CARNMT1: variants seen among roughly 807,000 people sequenced by gnomAD.
The protein encoded by CARNMT1 is carnosine N-methyltransferase 1.
CARNMT1 carries 28 observed loss-of-function variants against 49.6 expected under a neutral mutation model. That is an observed-to-expected ratio of 0.56 (90% CI 0.42 to 0.77). The LOEUF is 0.77. Ranked by LOEUF, CARNMT1 falls within the 30% of genes least tolerant of loss-of-function variation. The pLI is 0.00. For missense variants in CARNMT1, 421 were observed against 512.6 expected, an observed-to-expected ratio of 0.82 and a Z score of 1.73; for synonymous variants, 178 against 175.0, an observed-to-expected ratio of 1.02 and a Z score of -0.13.
Position 75,016,251 on chromosome 9 carries a change from A to T in CARNMT1, c.590+17T>A, listed in dbSNP as rs1157501180. ...CATACACTTTAAAAACTTGGTTAAA[A>T]ATGAGGTACTATTTACCATCTCTCT... is the stretch of plus-strand genomic sequence containing the variant. On this transcript the variant is annotated intron_variant, in intron 3 of 7. Transcript: ENST00000376834. 1 of 1,587,142 alleles carries T rather than the reference A, an allele frequency of 6.3e-7. No individual in the cohort carries two copies. Among genetic ancestry groups the T allele is most frequent in the Non-Finnish European group, 8.6e-7 (1 of 1,160,924 alleles).
At chr9:75,002,643 T>C (rs1408478316) in intron 3 of CARNMT1, among the ~76,000 whole-genome samples, 2 of 152,252 alleles carry the variant, frequency 1.3e-5, no homozygotes, top group African/African-American at 4.8e-5. Context: ...GGCATAGCCC[T>C]GCTCTGCAGA....
chr9:74,990,604 C>A (rs1033686506), intron 6 of CARNMT1, among the ~76,000 whole-genome samples: 4 of 152,118 alleles, frequency 2.6e-5, no homozygotes, highest in African/African-American at 9.7e-5. Context: ...GCCAAAAAGG[C>A]CTAGACAAAA....
chr9:75,011,365 G>A (rs970445002), intron 3 of CARNMT1, among the ~76,000 whole-genome samples: 2 of 152,086 alleles, frequency 1.3e-5, no homozygotes, highest in African/African-American at 4.8e-5. Context: ...TCCCTCCTGT[G>A]ATTGTCATTA....
At chr9:75,000,266 A>G (rs865901278) in intron 3 of CARNMT1, among the ~76,000 whole-genome samples, 2 of 152,182 alleles carry the variant, frequency 1.3e-5, no homozygotes, top group Admixed American at 6.5e-5. Flanking sequence ...TAAATACAAC[A>G]TAACTTTATT....
In CARNMT1 at chr9:75,028,290, C is replaced by T. The variant is rs1822592755; in HGVS notation, c.-49G>A. Reference sequence around the variant, plus strand: ...CTCGCTTGCGTCTCTCCGCGACCGACAGCGTGGTGGCGGCTGCTTGGCCTT... The same window carrying T: ...CTCGCTTGCGTCTCTCCGCGACCGATAGCGTGGTGGCGGCTGCTTGGCCTT... On this transcript the variant is annotated 5_prime_UTR_variant, in exon 1 of 8. Transcript: ENST00000376834. The T allele has an allele frequency of 1.5e-6, 2 of 1,339,506 alleles. No homozygotes were observed. Among genetic ancestry groups the T allele is most frequent in the African/African-American group, 3.1e-5 (2 of 64,580 alleles). 83.0% of individuals were successfully genotyped at this position (1,339,506 alleles called of 1,614,324 possible).
chr9:75,016,015 C>T lies in CARNMT1; in HGVS notation c.590+253G>A, dbSNP rs1587298381. On this transcript the variant is annotated intron_variant, in intron 3 of 7. Coordinates refer to ENST00000376834, the MANE Select transcript of CARNMT1 (RefSeq NM_152420.3). ...AAGCAAATTATAAAAAGATACACAT[C>T]ATTGATAATTTTCGACCTAACCTTA... is the stretch of plus-strand genomic sequence containing the variant. The T allele has an allele frequency of 2.2e-5, 7 of 315,848 alleles. No individual in the cohort carries two copies. In the South Asian group the frequency reaches 4.9e-4, roughly 22 times the overall value. The allele number at this position is 315,848 out of a possible 1,614,324, so 19.6% of individuals were successfully genotyped here.
rs751105515 is a variant in CARNMT1 at position 75,028,038 on chromosome 9, C to T, written c.204G>A (p.Lys68=). Residue 68 remains lysine, a synonymous_variant, in exon 1 of 8, where the codon AAG becomes AAA. Coordinates refer to ENST00000376834, the MANE Select transcript of CARNMT1 (RefSeq NM_152420.3). The part of the protein sequence containing the change: ...EERLEREHFW[K]IINAFRYYGT... ...CGTAGTAGCGGAAGGCATTAATGAT[C>T]TTCCAGAAGTGCTCACGCTCAAGCC... 6.3e-7 allele frequency: 1 copy of T among 1,576,814 alleles called. No individual in the cohort carries two copies. Among genetic ancestry groups the T allele is most frequent in the South Asian group, 1.1e-5 (1 of 87,444 alleles).
intron 3 of CARNMT1, among the ~76,000 whole-genome samples, chr9:75,005,895 A>C (rs1230731668): frequency 6.7e-6 from 1 of 149,654 alleles, no homozygotes; most frequent in African/African-American, 2.5e-5. Flanking sequence ...AGCTGACATA[A>C]ATTTGTGTTA....
At chr9:75,028,329 C>T, upstream of CARNMT1, 1 of 1,312,670 alleles carries the variant, frequency 7.6e-7, no homozygotes, top group Admixed American at 4.2e-5. Flanking sequence ...CTAGACGGCG[C>T]CCGCCGCGGA....
intron 3 of CARNMT1, among the ~76,000 whole-genome samples, chr9:75,010,991 G>A (rs1833675445): frequency 6.6e-6 from 1 of 151,750 alleles, no homozygotes; most frequent in African/African-American, 2.4e-5. Context: ...AAAAAACTGA[G>A]GGCAAAAGAC....
intron 4 of CARNMT1, among the ~76,000 whole-genome samples, 177 bp from the exon 5 acceptor site, chr9:74,998,953 AC>A (rs1325464965): frequency 6.6e-6 from 1 of 152,164 alleles, no homozygotes; most frequent in Non-Finnish European, 1.5e-5. Flanking sequence ...TAGATGAGCA[AC>A]CAATCAATGG....
chr9:75,025,472 A>C (rs961769399), intron 1 of CARNMT1, among the ~76,000 whole-genome samples: 12 of 152,348 alleles, frequency 7.9e-5, no homozygotes, highest in African/African-American at 2.9e-4. Flanking sequence ...TCAATTGCAA[A>C]TAGCTCCATG....
intron 1 of CARNMT1, among the ~76,000 whole-genome samples, chr9:75,017,658 C>T (rs917563610): frequency 6.6e-6 from 1 of 152,118 alleles, no homozygotes; most frequent in African/African-American, 2.4e-5. Context: ...AACCAAAATA[C>T]AAATGGTTTA....
intron 5 of CARNMT1, among the ~76,000 whole-genome samples, chr9:74,997,928 T>C (rs1833239335): frequency 6.6e-6 from 1 of 152,154 alleles, no homozygotes; most frequent in Non-Finnish European, 1.5e-5. Flanking sequence ...CAAATACCTA[T>C]TGACTCAATG....
At chr9:75,017,098 A>T (rs1336510965) in intron 2 of CARNMT1, 155 bp downstream of exon 2, 1 of 605,632 alleles carries the variant, frequency 1.7e-6, no homozygotes, top group Non-Finnish European at 2.9e-6. Context: ...TCTGGCTATT[A>T]AGCCTAATCA....
chr9:74,997,183 G>A (rs2118784206), intron 5 of CARNMT1, among the ~76,000 whole-genome samples: 1 of 152,190 alleles, frequency 6.6e-6, no homozygotes, highest in East Asian at 1.9e-4. Flanking sequence ...TTCATCATCT[G>A]TTCTCTCAAA....
At chr9:75,027,532 C>T in intron 1 of CARNMT1, 10 of 917,356 alleles carry the variant, frequency 1.1e-5, no homozygotes, top group Non-Finnish European at 1.3e-5. Flanking sequence ...TTAAACTGCT[C>T]TTACAAGCAC....
chr9:74,985,628 G>T (rs753163566), intron 6 of CARNMT1, among the ~76,000 whole-genome samples: 1 of 151,820 alleles, frequency 6.6e-6, no homozygotes, highest in Non-Finnish European at 1.5e-5. Context: ...CAGGAAGGGT[G>T]GGGTGCAGTG....
At chr9:75,022,739 T>C (rs1822408383) in intron 1 of CARNMT1, among the ~76,000 whole-genome samples, 1 of 152,162 alleles carries the variant, frequency 6.6e-6, no homozygotes, top group South Asian at 2.1e-4. Flanking sequence ...CCTCTCACCA[T>C]ACTCAAAACT....
Sources: gnomAD v4.1 joint callset for allele counts (sites outside exome capture counted in the v4.1 genomes callset) on GRCh38, gnomAD v4.1.1 for gene constraint, MANE v1.5 for transcripts, NCBI Gene and HGNC (gene_info 2026-07-23, HGNC 2026-07-21) for gene names.